The following UNC13C variants were observed in gnomAD, a reference collection of about 807,000 sequenced individuals.
The protein encoded by UNC13C is unc-13 homolog C.
Under a neutral mutation model 245.4 loss-of-function variants are expected in UNC13C, and 174 were observed. The ratio of observed to expected loss-of-function variants is 0.71; its 90% CI spans 0.63 to 0.80. UNC13C has a LOEUF of 0.80. Ranked by LOEUF, UNC13C falls within the 30% of genes least tolerant of loss-of-function variation. UNC13C has a pLI of 0.00. For synonymous variants in UNC13C, 992 were observed against 895.1 expected, an observed-to-expected ratio of 1.11 and a Z score of -1.93; for missense variants, 2,829 against 2,602.9, an observed-to-expected ratio of 1.09 and a Z score of -1.89.
At chr15:54,377,585 T>C (rs143086371) in intron 17 of UNC13C, among the ~76,000 whole-genome samples, 48 of 152,340 alleles carry the variant, frequency 3.2e-4, no homozygotes, top group Non-Finnish European at 6.8e-4. Flanking sequence ...TTATACTGGG[T>C]AATTTATAAG....
Position 54,377,440 on chromosome 15 carries a change from G to A in UNC13C, c.4714-15608G>A, listed in dbSNP as rs77401109. ...AAAGGAGGAACAGATTAGGTGAACAGCTATTCAGCCTCTGTCATGATTGGA... is the reference window on the plus strand; with the variant it reads ...AAAGGAGGAACAGATTAGGTGAACAACTATTCAGCCTCTGTCATGATTGGA... On this transcript the variant is annotated intron_variant, in intron 17 of 32. Coordinates refer to ENST00000260323, the MANE Select transcript of UNC13C (RefSeq NM_001080534.3). Among the ~76,000 whole-genome samples the A allele has an allele frequency of 2.5e-4, 38 of 152,322 alleles. 2 individuals carry two copies. The East Asian group carries it at 7.3e-3, about 29-fold the overall frequency.
intron 19 of UNC13C, among the ~76,000 whole-genome samples, chr15:54,419,991 C>T (rs1287078513): frequency 6.6e-6 from 1 of 151,978 alleles, no homozygotes; most frequent in Non-Finnish European, 1.5e-5. Context: ...ACAACATACC[C>T]CCTTTCTAGT....
chr15:54,242,355 TTGAG>T (rs1317580541), intron 7 of UNC13C, among the ~76,000 whole-genome samples: 1 of 152,202 alleles, frequency 6.6e-6, no homozygotes, highest in East Asian at 1.9e-4. Flanking sequence ...GCATTCATTC[TTGAG>T]TTAGTCTAGA....
At chr15:53,947,254 T>C in the UNC13C span, among the ~76,000 whole-genome samples, 2 of 152,214 alleles carry the variant, frequency 1.3e-5, no homozygotes, top group Non-Finnish European at 2.9e-5. Context: ...ATAGATGATA[T>C]TAGACTTTTA....
chr15:54,244,445 G>A (rs975921155), intron 7 of UNC13C, among the ~76,000 whole-genome samples: 14 of 152,034 alleles, frequency 9.2e-5, no homozygotes, highest in Non-Finnish European at 4.4e-5. Context: ...GGATTGTCTT[G>A]GTTATTCAGG....
chr15:54,059,441 A>G (rs36194706), intron 2 of UNC13C, among the ~76,000 whole-genome samples: 23,681 of 152,042 alleles, frequency 0.16, 1,894 homozygotes, highest in African/African-American at 0.19. Flanking sequence ...AGAACTACAA[A>G]CCACTGCTCA....
At chr15:54,494,155 TA>T (rs1893845836) in intron 19 of UNC13C, among the ~76,000 whole-genome samples, 1 of 152,132 alleles carries the variant, frequency 6.6e-6, no homozygotes, top group South Asian at 2.1e-4. Flanking sequence ...TATGCATGCT[TA>T]GAACAACATG....
At chr15:54,287,823 A>G (rs904131493) in intron 10 of UNC13C, among the ~76,000 whole-genome samples, 1 of 151,762 alleles carries the variant, frequency 6.6e-6, no homozygotes. Context: ...GCCACCAACA[A>G]CCTCTTTAGC....
At chr15:54,598,595 A>C (rs1899227851) in intron 30 of UNC13C, among the ~76,000 whole-genome samples, 1 of 152,208 alleles carries the variant, frequency 6.6e-6, no homozygotes, top group Admixed American at 6.5e-5. Context: ...GGTTTCCTAA[A>C]AGAATGCAAT....
At chr15:54,058,184 GAA>G (rs1213387424) in intron 2 of UNC13C, among the ~76,000 whole-genome samples, 2 of 151,964 alleles carry the variant, frequency 1.3e-5, no homozygotes, top group African/African-American at 4.8e-5. Context: ...CTGTTTTTTT[GAA>G]AAGATCAACA....
At chr15:54,086,737 C>CTTTTTTTTTTTTTTTTTTTTTTTTTTGT (rs57209912) in intron 2 of UNC13C, among the ~76,000 whole-genome samples, 1 of 92,012 alleles carries the variant, frequency 1.1e-5, no homozygotes, top group East Asian at 3.5e-4. Flanking sequence ...TATTTTCTTT[C>CTTTTTTTTTTTTTTTTTTTTTTTTTTGT]TTTTTTTTTT....
chr15:54,125,893 T>TA (rs1490835054), intron 2 of UNC13C, among the ~76,000 whole-genome samples: 1 of 152,136 alleles, frequency 6.6e-6, no homozygotes, highest in African/African-American at 2.4e-5. Context: ...CTTTTTCCAT[T>TA]GATTACTTTC....
chr15:54,186,647 A>G (rs567756370), intron 4 of UNC13C, among the ~76,000 whole-genome samples: 1 of 151,900 alleles, frequency 6.6e-6, no homozygotes, highest in Non-Finnish European at 1.5e-5. Context: ...GAAATATTTA[A>G]TTATGAATTG....
At chr15:54,054,789 A>G (rs759081321) in intron 2 of UNC13C, among the ~76,000 whole-genome samples, 81 of 151,688 alleles carry the variant, frequency 5.3e-4, no homozygotes, top group Non-Finnish European at 9.6e-4. Context: ...ATTTTCACGA[A>G]CATATTTATT....
intron 2 of UNC13C, among the ~76,000 whole-genome samples, chr15:54,109,780 A>G (rs1221083382): frequency 1.3e-5 from 2 of 152,128 alleles, no homozygotes; most frequent in African/African-American, 2.4e-5. Flanking sequence ...CTGGATTGTG[A>G]GTTGCTGGGG....
intron 2 of UNC13C, among the ~76,000 whole-genome samples, chr15:54,061,554 C>T (rs1399811866): frequency 6.6e-6 from 1 of 152,080 alleles, no homozygotes; most frequent in Non-Finnish European, 1.5e-5. Context: ...ATGTCCAAAT[C>T]CAAACCTTGG....
At chr15:54,339,637 G>GGA (rs1015938688) in intron 17 of UNC13C, among the ~76,000 whole-genome samples, 6 of 62,968 alleles carry the variant, frequency 9.5e-5, no homozygotes, top group African/African-American at 1.6e-4. Flanking sequence ...TCCATTATGT[G>GGA]GAGATATATA....
chr15:53,878,333 G>C, the UNC13C span, among the ~76,000 whole-genome samples: 1 of 152,132 alleles, frequency 6.6e-6, no homozygotes, highest in Non-Finnish European at 1.5e-5. Context: ...GGACTCTAGA[G>C]TTTCTGAAGC....
intron 2 of UNC13C, among the ~76,000 whole-genome samples, chr15:54,071,824 C>T (rs973392877): frequency 3.9e-5 from 6 of 152,122 alleles, no homozygotes; most frequent in African/African-American, 1.4e-4. Context: ...ACTACATGTT[C>T]CTCAAAGCCT....
Sources: allele counts gnomAD v4.1 joint callset (sites outside exome capture counted in the v4.1 genomes callset), GRCh38; gene constraint gnomAD v4.1.1; transcripts MANE v1.5; gene names NCBI Gene and HGNC (gene_info 2026-07-23, HGNC 2026-07-21).